Variants in FBLN2 observed in about 807,000 individuals in gnomAD.
FBLN2 encodes the protein fibulin 2.
In FBLN2, 81 loss-of-function variants were observed where a neutral mutation model predicts 123.7. The ratio of observed to expected loss-of-function variants is 0.65; its 90% CI spans 0.55 to 0.79. FBLN2 has a LOEUF of 0.79. Among genes scored for constraint, FBLN2 ranks in the 30% least tolerant of loss-of-function variants. The pLI is 0.00. For synonymous variants in FBLN2, 699 were observed against 701.4 expected (o/e 1.00, Z 0.05); for missense variants, 1,603 against 1,681.3 (o/e 0.95, Z 0.81).
At chr3:13,572,758 C>T (rs1704004855) in intron 2 of FBLN2, among the ~76,000 whole-genome samples, 2 of 152,252 alleles carry the variant, frequency 1.3e-5, no homozygotes, top group African/African-American at 4.8e-5. Context: ...TACCTAAGAG[C>T]CGTCCTCAAA....
At position 13,630,882 on chromosome 3, in the gene FBLN2, G is replaced by A. The variant is rs530648018; in HGVS notation, c.3085+67G>A. ...TCCTTTCCCTTGTGCCAGGCTCCCC[G>A]AGAGTCCCTGCTGGGCCATGGACAC... On this transcript the variant is annotated intron_variant, in intron 15 of 17. Coordinates refer to ENST00000404922, the MANE Select transcript of FBLN2 (RefSeq NM_001004019.2). The A allele has an allele frequency of 4.5e-5, 56 of 1,241,838 alleles. 1 individual carries two copies. The highest frequency in any genetic ancestry group is 2.4e-4 in the Admixed American group (12 of 49,890). The allele number at this position is 1,241,838 out of a possible 1,614,324, so 76.9% of individuals were successfully genotyped here. A position where few individuals can be genotyped will look rare whatever the true frequency, so the allele number is the denominator to read the frequency against.
intron 2 of FBLN2, among the ~76,000 whole-genome samples, chr3:13,574,067 C>A (rs542159559): frequency 6.6e-6 from 1 of 152,174 alleles, no homozygotes; most frequent in Non-Finnish European, 1.5e-5. Context: ...GTGAGGACTA[C>A]GCGGCTCAGC....
chr3:13,635,311 T>C (rs935296358), intron 16 of FBLN2, among the ~76,000 whole-genome samples: 1 of 152,012 alleles, frequency 6.6e-6, no homozygotes, highest in East Asian at 1.9e-4. Context: ...GCTGAGCAGC[T>C]CATCCTCAAA....
chr3:13,562,699 T>C (rs1411256922), intron 1 of FBLN2, among the ~76,000 whole-genome samples: 1 of 152,202 alleles, frequency 6.6e-6, no homozygotes, highest in Non-Finnish European at 1.5e-5. Flanking sequence ...ATCATGGAAG[T>C]TCACGTTGTG....
chr3:13,557,970 A>G (rs1164592924), intron 1 of FBLN2, among the ~76,000 whole-genome samples: 1 of 152,192 alleles, frequency 6.6e-6, no homozygotes, highest in Admixed American at 6.5e-5. Flanking sequence ...GGGGCCTCCA[A>G]GGCTCTTGAG....
At chr3:13,553,510 C>T (rs929273665) in intron 1 of FBLN2, among the ~76,000 whole-genome samples, 6 of 152,208 alleles carry the variant, frequency 3.9e-5, no homozygotes, top group African/African-American at 1.4e-4. Flanking sequence ...CACGCCCACA[C>T]CACAAACTCG....
At chr3:13,612,392 T>A (rs564417094) in intron 4 of FBLN2, among the ~76,000 whole-genome samples, 1 of 151,376 alleles carries the variant, frequency 6.6e-6, no homozygotes, top group Admixed American at 6.6e-5. Context: ...CTGTCTGTCT[T>A]TCTTTCTTGA....
chr3:13,608,082 G>C lies in FBLN2; in HGVS notation c.1327G>C (p.Glu443Gln). The C allele has an allele frequency of 1.3e-6, 2 of 1,587,976 alleles. No individual in the cohort carries two copies. Among genetic ancestry groups the C allele is most frequent in the Non-Finnish European group, 1.7e-6 (2 of 1,167,380 alleles). ...SPEGSTKDLI[E>Q]TCCAAGQQWA... is the part of the protein sequence containing the mutation. ...CACAGGCTCCACCAAGGACCTGATC[G>C]AGACTTGCTGCGCAGCCGGACAGCA... is the stretch of plus-strand genomic sequence containing the variant. The change falls in exon 3 of 18, where the codon GAG becomes CAG. Residue 443 changes from glutamate to glutamine, a missense_variant. Transcript: ENST00000404922.
intron 8 of FBLN2, 27 bp from the exon 9 acceptor site, chr3:13,621,744 CTTCT>C (rs1705858130): frequency 6.2e-7 from 1 of 1,612,156 alleles, no homozygotes; most frequent in Non-Finnish European, 8.5e-7. Context: ...TCTAACAGTC[CTTCT>C]GTTTTTCCTC....
intron 4 of FBLN2, 32 bp downstream of exon 4, chr3:13,609,674 TGGGGTGGGGC>T: frequency 1.6e-5 from 1 of 62,580 alleles, no homozygotes; most frequent in Non-Finnish European, 2.8e-5. Context: ...CAAGGCAGGG[TGGGGTGGGGC>T]GGGGCGGGAG....
chr3:13,570,310 C>T lies in FBLN2; in HGVS notation c.-41-5C>T, dbSNP rs1235068682. 4.1e-6 allele frequency: 6 copies of T among 1,475,696 alleles called. No homozygotes were observed. Among genetic ancestry groups the T allele is most frequent in the Admixed American group, 2.5e-5 (1 of 40,038 alleles). The allele number at this position is 1,475,696 out of a possible 1,614,324, so 91.4% of individuals were successfully genotyped here. ...ACTGACAGGCTTCCTTTCTGATTCC[C>T]CCAGGGTCTTACAGGAGAGGGGACC... On this transcript the variant is annotated splice_polypyrimidine_tract_variant and splice_region_variant and intron_variant, in intron 1 of 17. Transcript: ENST00000404922.
At chr3:13,600,017 CAGAG>C (rs113759892) in intron 2 of FBLN2, among the ~76,000 whole-genome samples, 2,085 of 137,270 alleles carry the variant, frequency 0.015, 57 homozygotes, top group African/African-American at 0.05. Context: ...AAAAACACGA[CAGAG>C]AGAGAGAGAG....
chr3:13,628,633 T>A (rs2124906379), intron 11 of FBLN2, among the ~76,000 whole-genome samples: 1 of 152,316 alleles, frequency 6.6e-6, no homozygotes, highest in South Asian at 2.1e-4. Context: ...GTTGGTGTAG[T>A]TATCCTAGCA....
At chr3:13,599,138 G>T (rs1410576948) in intron 2 of FBLN2, among the ~76,000 whole-genome samples, 1 of 152,220 alleles carries the variant, frequency 6.6e-6, no homozygotes, top group Non-Finnish European at 1.5e-5. Flanking sequence ...GAGCCCCAAG[G>T]CTCCCCAAGA....
In FBLN2 at chr3:13,627,872, G is replaced by A. The variant is rs748252206; in HGVS notation, c.2472G>A (p.Pro824=). 1.1e-5 allele frequency: 18 copies of A among 1,613,616 alleles called. No homozygotes were observed. The highest frequency in any genetic ancestry group is 3.3e-5 in the South Asian group (3 of 91,070). ...ECAMGTHTCQ[P]GFLCQNTKGS... is the part of the protein sequence containing the mutation. ...CGATGGGCACGCACACCTGCCAGCC[G>A]GGCTTCTTGTGCCAGAACACCAAGG... Residue 824 remains proline (P), a synonymous_variant, in exon 11 of 18, where the codon CCG becomes CCA. Coordinates refer to ENST00000404922, the MANE Select transcript of FBLN2 (RefSeq NM_001004019.2).
rs1217712237 is a variant in FBLN2, at chr3:13,637,565, G to T, written c.3342G>T (p.Lys1114Asn). 6.2e-7 allele frequency: 1 copy of T among 1,602,646 alleles called. No homozygotes were observed. ...ACCCGGCCTATCCTCCCTGCAGGAA[G>T]TGCGAGCGCACCACGTGCCATGACT... ...PPNYVQVSKT[K>N]CERTTCHDFL... Residue 1114 changes from lysine (K) to asparagine (N), a missense_variant, in exon 18 of 18, where the codon AAG becomes AAT. Coordinates refer to ENST00000404922, the MANE Select transcript of FBLN2 (RefSeq NM_001004019.2).
intron 11 of FBLN2, among the ~76,000 whole-genome samples, chr3:13,628,466 T>C (rs1268201106): frequency 6.6e-6 from 1 of 152,180 alleles, no homozygotes; most frequent in Non-Finnish European, 1.5e-5. Context: ...CTTAACAGTT[T>C]TACAGATGCC....
At chr3:13,582,465 A>G (rs1286344279) in intron 2 of FBLN2, among the ~76,000 whole-genome samples, 1 of 152,124 alleles carries the variant, frequency 6.6e-6, no homozygotes, top group Non-Finnish European at 1.5e-5. Context: ...CGGGGCTTTG[A>G]GGTGAAGCTT....
chr3:13,624,207 C>T (rs1325760956), intron 9 of FBLN2, among the ~76,000 whole-genome samples: 1 of 152,236 alleles, frequency 6.6e-6, no homozygotes, highest in African/African-American at 2.4e-5. Flanking sequence ...TGCCACATGG[C>T]TGTCCGTGTG....
Sources: gnomAD v4.1 joint callset for allele counts (sites outside exome capture counted in the v4.1 genomes callset) on GRCh38, gnomAD v4.1.1 for gene constraint, MANE v1.5 for transcripts, NCBI Gene and HGNC (gene_info 2026-07-23, HGNC 2026-07-21) for gene names.